The following GATA4 variants were observed in gnomAD, a reference collection of about 807,000 sequenced individuals.
The protein encoded by GATA4 is GATA binding protein 4.
A neutral mutation model predicts 37.9 loss-of-function variants in GATA4; 7 were observed. That is an observed-to-expected ratio of 0.18 (90% CI 0.11 to 0.35). GATA4 has a LOEUF of 0.35. GATA4 is among the 10% of genes least tolerant of loss of function. The pLI, the probability that GATA4 is intolerant of heterozygous loss-of-function variation, is 1.00. For missense variants in GATA4, 647 were observed against 653.0 expected, an observed-to-expected ratio of 0.99 and a Z score of 0.10; for synonymous variants, 372 against 292.6, an observed-to-expected ratio of 1.27 and a Z score of -2.77.
rs1799942294 is a variant in GATA4, at chr8:11,707,480, C to T, written c.-457-376C>T. 6.6e-6 allele frequency among the ~76,000 whole-genome samples: 1 copy of T among 152,010 alleles called. No individual in the cohort carries two copies. The highest frequency in any genetic ancestry group is 2.1e-4 in the South Asian group (1 of 4,816). On this transcript the variant is annotated intron_variant, in intron 1 of 6. Transcript: ENST00000532059. The surrounding 1 kb of genome is among the most constrained non-coding windows in gnomAD (Gnocchi z 4.7). The stretch of plus-strand genomic sequence containing the variant: ...GAGGAGATGAGAGATTTCTTGGGTC[C>T]CAGGCACTCTGCATTAACGCCAAAC...
At chr8:11,723,579 T>A (rs933356991) in intron 2 of GATA4, among the ~76,000 whole-genome samples, 4 of 152,218 alleles carry the variant, frequency 2.6e-5, no homozygotes, top group African/African-American at 9.6e-5. Flanking sequence ...CCAAGAAACC[T>A]GGCTCCTGTT....
intron 1 of GATA4, among the ~76,000 whole-genome samples, chr8:11,682,451 T>C (rs1189085278): frequency 6.6e-6 from 1 of 152,236 alleles, no homozygotes; most frequent in Non-Finnish European, 1.5e-5. Flanking sequence ...TTGTTTTAGG[T>C]AGAATTTGTT....
At chr8:11,691,565 G>C (rs550651261), upstream of GATA4, among the ~76,000 whole-genome samples, 1 of 152,354 alleles carries the variant, frequency 6.6e-6, no homozygotes, top group Non-Finnish European at 1.5e-5. Flanking sequence ...GAAGGAACCT[G>C]GGAGACAGTT....
chr8:11,696,859 C>G (rs962850592), intron 1 of GATA4, among the ~76,000 whole-genome samples: 1 of 152,236 alleles, frequency 6.6e-6, no homozygotes, highest in African/African-American at 2.4e-5. Context: ...TTCATTTACT[C>G]TACCTGTTCT....
rs542126741 is a variant in GATA4 at position 11,732,715 on chromosome 8, C to T, written c.617-16201C>T. ...CTGAAGAGGAGGTAGAGACTTCCTG[C>T]GAAGGCTAGCAGAGTAAAGGTTTGC... On this transcript the variant is annotated intron_variant, in intron 2 of 6. Transcript: ENST00000532059. 9.9e-5 allele frequency among the ~76,000 whole-genome samples: 15 copies of T among 152,280 alleles called. No individual in the cohort carries two copies. In the South Asian group the frequency reaches 1.9e-3, roughly 19 times the overall value.
At chr8:11,713,181 C>A (rs898916433) in intron 2 of GATA4, among the ~76,000 whole-genome samples, 7 of 152,004 alleles carry the variant, frequency 4.6e-5, no homozygotes, top group South Asian at 4.1e-4. Flanking sequence ...TCTGTAAAGC[C>A]CTGAACTTAG....
Position 11,758,575 on chromosome 8 carries a change from G to GT in GATA4, c.*101dup, listed in dbSNP as rs1563235086. On this transcript the variant is annotated 3_prime_UTR_variant, in exon 7 of 7. Transcript: ENST00000532059. ...CCCAGGGGCCGGCCTCCTCTGCCTG[G>GT]TAATGACTCCAGAACAACAACTGGG... The GT allele has an allele frequency of 8.8e-7, 1 of 1,130,734 alleles. No homozygotes were observed. Among genetic ancestry groups the GT allele is most frequent in the African/African-American group, 1.5e-5 (1 of 65,242 alleles). 70.0% of individuals were successfully genotyped at this position (1,130,734 alleles called of 1,614,324 possible).
upstream of GATA4, among the ~76,000 whole-genome samples, chr8:11,687,868 T>C (rs1479733640): frequency 6.6e-6 from 1 of 152,172 alleles, no homozygotes; most frequent in African/African-American, 2.4e-5. Context: ...CCTGCCCCCG[T>C]TTCATTTGGC....
At chr8:11,694,632 T>G (rs1799450309) in intron 1 of GATA4, 4 of 516,878 alleles carry the variant, frequency 7.7e-6, no homozygotes, top group Non-Finnish European at 9.9e-6. Flanking sequence ...TGTGGGGGAT[T>G]GTTTTGTTTT....
chr8:11,688,485 C>G (rs1286096188), upstream of GATA4, among the ~76,000 whole-genome samples: 1 of 151,980 alleles, frequency 6.6e-6, no homozygotes, highest in Non-Finnish European at 1.5e-5. Flanking sequence ...ACTGAGGTGA[C>G]AAAATAAAGC....
chr8:11,752,009 G>C (rs926252052), intron 4 of GATA4, among the ~76,000 whole-genome samples: 3 of 152,142 alleles, frequency 2.0e-5, no homozygotes, highest in African/African-American at 7.2e-5. Context: ...ATTGTTTGTG[G>C]TGGCAAAAAC....
rs113556214 is a variant in GATA4, at chr8:11,753,836, A to G, written c.913-1210A>G. ...GTATTTGCAGGTGTGGCCTTTATCA[A>G]TCCCACATGGTAGACAAGCACAGCA... On this transcript the variant is annotated intron_variant, in intron 4 of 6. Coordinates refer to ENST00000532059, the MANE Select transcript of GATA4 (RefSeq NM_001308093.3). 7.1e-3 allele frequency among the ~76,000 whole-genome samples: 1,084 copies of G among 152,312 alleles called. 13 individuals carry two copies. The highest frequency in any genetic ancestry group is 0.025 in the African/African-American group (1,019 of 41,546).
intron 1 of GATA4, among the ~76,000 whole-genome samples, chr8:11,686,827 G>A (rs1218936921): frequency 1.3e-5 from 2 of 152,134 alleles, no homozygotes; most frequent in East Asian, 1.9e-4. Context: ...ATGAAACCCC[G>A]TTTCTACTAA....
chr8:11,738,831 G>A (rs539978465), intron 2 of GATA4, among the ~76,000 whole-genome samples: 55 of 152,334 alleles, frequency 3.6e-4, no homozygotes, highest in South Asian at 1.2e-3. Flanking sequence ...GAGGCAAGCT[G>A]GGAGGAGCCT....
intron 1 of GATA4, among the ~76,000 whole-genome samples, chr8:11,687,183 ACG>A (rs1799164233): frequency 6.6e-6 from 1 of 151,900 alleles, no homozygotes; most frequent in African/African-American, 2.4e-5. Flanking sequence ...CCTTTGAAAA[ACG>A]CTTCATTCTC....
chr8:11,732,632 G>A (rs1372763891), intron 2 of GATA4, among the ~76,000 whole-genome samples: 3 of 152,218 alleles, frequency 2.0e-5, no homozygotes, highest in Non-Finnish European at 4.4e-5. Flanking sequence ...AGGTGAACCC[G>A]AGTCTGGAGG....
chr8:11,680,196 C>G (rs930918765), intron 1 of GATA4, among the ~76,000 whole-genome samples: 1 of 152,174 alleles, frequency 6.6e-6, no homozygotes, highest in African/African-American at 2.4e-5. Context: ...GGCCGCTTAA[C>G]GTCCGGAATG....
upstream of GATA4, chr8:11,692,568 G>T (rs1799349134): frequency 1.0e-6 from 1 of 985,414 alleles, no homozygotes; most frequent in Non-Finnish European, 1.2e-6. Context: ...GGGCCGCGGC[G>T]GCTCCGCCTG....
At chr8:11,716,335 C>G (rs1180796626) in intron 2 of GATA4, among the ~76,000 whole-genome samples, 2 of 151,816 alleles carry the variant, frequency 1.3e-5, no homozygotes, top group Admixed American at 6.6e-5. Flanking sequence ...AGAAGATTCT[C>G]TATTTAGTGT....
Sources: allele counts gnomAD v4.1 joint callset (sites outside exome capture counted in the v4.1 genomes callset), GRCh38; gene constraint gnomAD v4.1.1; non-coding constraint Gnocchi (gnomAD v3.1); transcripts MANE v1.5; gene names NCBI Gene and HGNC (gene_info 2026-07-23, HGNC 2026-07-21).